Variants in MBP observed in about 807,000 individuals in gnomAD.
MBP encodes the protein Golli-MBP.
A neutral mutation model predicts 35.8 loss-of-function variants in MBP; 16 were observed. The observed-to-expected ratio is 0.45, with a 90% CI of 0.30 to 0.68. The LOEUF is 0.68. MBP is among the 30% of genes least tolerant of loss of function. MBP has a pLI of 0.08. For synonymous variants in MBP, 143 were observed against 159.6 expected (o/e 0.90, Z 0.78); for missense variants, 380 against 404.7 (o/e 0.94, Z 0.52).
Position 76,979,971 on chromosome 18 carries a change from CAA to C in MBP, c.*454_*455del, listed in dbSNP as rs1264724027. The stretch of plus-strand genomic sequence containing the variant: ...GTGAGAGAAGGACAGGAAAAAAAAA[CAA>C]AGGAAGCTTGGATGTCAACAGTCCT... On this transcript the variant is annotated 3_prime_UTR_variant, in exon 9 of 9. Coordinates refer to ENST00000355994, the MANE Select transcript of MBP (RefSeq NM_001025101.2). The C allele has an allele frequency of 7.1e-6, 5 of 702,210 alleles. No homozygotes were observed. The highest frequency in any genetic ancestry group is 1.3e-5 in the Non-Finnish European group (5 of 384,972). The allele number at this position is 702,210 out of a possible 1,614,324, so 43.5% of individuals were successfully genotyped here. A position where few individuals can be genotyped will look rare whatever the true frequency, so the allele number is the denominator to read the frequency against.
intron 2 of MBP, among the ~76,000 whole-genome samples, chr18:77,083,587 C>T (rs1179986549): frequency 6.6e-6 from 1 of 152,160 alleles, no homozygotes; most frequent in Non-Finnish European, 1.5e-5. Flanking sequence ...TAAACACAAA[C>T]ATCTACCAAC....
At position 77,014,692 on chromosome 18, in the gene MBP, T is replaced by C. The variant is rs9959403; in HGVS notation, c.576+2140A>G. On this transcript the variant is annotated intron_variant, in intron 4 of 8. Transcript: ENST00000355994. ...GAGAGAGTTAAGCTTTCATCTCCCA[T>C]GTTTACAACACTTTGTGATAAAATA... is the stretch of plus-strand genomic sequence containing the variant. 2,933 of 985,400 alleles carry C rather than the reference T, an allele frequency of 3.0e-3. 57 individuals carry two copies. In the African/African-American group the frequency reaches 0.045, roughly 15 times the overall value. 61.0% of individuals were successfully genotyped at this position (985,400 alleles called of 1,614,324 possible). A position where few individuals can be genotyped will look rare whatever the true frequency, so the allele number is the denominator to read the frequency against.
intron 7 of MBP, chr18:76,986,518 G>A: frequency 1.0e-6 from 1 of 985,562 alleles, no homozygotes; most frequent in Non-Finnish European, 1.2e-6. Context: ...GCTTGGGAGT[G>A]AGCATGGCCA....
At chr18:77,018,276 TCATCCATCCATCCACTCATG>T (rs1442131502) in intron 3 of MBP, among the ~76,000 whole-genome samples, 1 of 110,104 alleles carries the variant, frequency 9.1e-6, no homozygotes, top group African/African-American at 3.9e-5. Context: ...ATCTATCCAC[TCATCCATCCATCCACTCATG>T]CATCCATCCA....
At chr18:76,997,250 A>G (rs1372099243) in intron 4 of MBP, among the ~76,000 whole-genome samples, 3 of 152,230 alleles carry the variant, frequency 2.0e-5, no homozygotes, top group Non-Finnish European at 4.4e-5. Context: ...GAGCTCAGCA[A>G]ATAGAAAGTG....
intron 3 of MBP, among the ~76,000 whole-genome samples, chr18:77,028,519 C>T (rs1365353153): frequency 8.0e-5 from 8 of 99,606 alleles, no homozygotes; most frequent in East Asian, 5.9e-4. Flanking sequence ...ACCTCCCAGA[C>T]GGGGTGGTGG....
intron 4 of MBP, among the ~76,000 whole-genome samples, chr18:76,999,035 T>C (rs550301592): frequency 7.0e-6 from 1 of 143,764 alleles, no homozygotes; most frequent in African/African-American, 2.6e-5. Context: ...AGCAGTGTTT[T>C]GGGGGGTTTT....
chr18:77,021,015 A>C (rs1422812320), intron 3 of MBP, among the ~76,000 whole-genome samples: 2 of 152,264 alleles, frequency 1.3e-5, no homozygotes, highest in Non-Finnish European at 2.9e-5. Context: ...CTGAGAAGAC[A>C]CATAACTTGG....
At chr18:77,082,416 G>A (rs1422433144) in intron 2 of MBP, among the ~76,000 whole-genome samples, 1 of 152,224 alleles carries the variant, frequency 6.6e-6, no homozygotes, top group East Asian at 1.9e-4. Context: ...TAGACACTGA[G>A]AGTACATTAG....
chr18:77,095,260 T>A (rs941089976), intron 2 of MBP: 4 of 152,216 alleles, frequency 2.6e-5, no homozygotes, highest in Admixed American at 6.5e-5. Context: ...GTGAGATCAG[T>A]GAGTGTCTTT....
chr18:76,984,669 C>G, intron 8 of MBP, 106 bp downstream of exon 8: 1 of 1,488,364 alleles, frequency 6.7e-7, no homozygotes, highest in Non-Finnish European at 9.3e-7. Context: ...GTCCAGGGTA[C>G]AGTGCGGCTG....
chr18:76,983,250 G>C (rs191390283), intron 8 of MBP: 2 of 152,358 alleles, frequency 1.3e-5, no homozygotes, highest in Admixed American at 6.5e-5. Context: ...GGATGAATCC[G>C]TGTTTCCCAG....
intron 3 of MBP, chr18:77,017,526 G>A (rs927092893): frequency 2.0e-5 from 7 of 346,084 alleles, no homozygotes; most frequent in East Asian, 4.4e-5. Context: ...CAGGCTTCCC[G>A]ATGAAGTCAT....
At chr18:77,124,325 CT>C (rs1976976584) in intron 1 of MBP, among the ~76,000 whole-genome samples, 1 of 152,218 alleles carries the variant, frequency 6.6e-6, no homozygotes, top group African/African-American at 2.4e-5. Flanking sequence ...ACTTCATTTT[CT>C]TTCTTGACCT....
At chr18:77,054,784 C>T (rs559543391) in intron 3 of MBP, among the ~76,000 whole-genome samples, 33 of 152,228 alleles carry the variant, frequency 2.2e-4, no homozygotes, top group African/African-American at 7.7e-4. Context: ...TTCCTGTTAG[C>T]GGCGGGTGAC....
chr18:77,100,292 G>C (rs1975945686), intron 2 of MBP, among the ~76,000 whole-genome samples: 2 of 152,196 alleles, frequency 1.3e-5, no homozygotes, highest in Non-Finnish European at 2.9e-5. Flanking sequence ...CCAAGGAGAG[G>C]CTGCAGAGGA....
intron 1 of MBP, among the ~76,000 whole-genome samples, chr18:77,120,604 C>T (rs1483916953): frequency 6.6e-6 from 1 of 152,180 alleles, no homozygotes; most frequent in Non-Finnish European, 1.5e-5. Flanking sequence ...TTTTACAAAA[C>T]GCATTGTTAG....
intron 4 of MBP, among the ~76,000 whole-genome samples, chr18:76,995,547 G>A (rs923291562): frequency 1.3e-5 from 2 of 151,176 alleles, no homozygotes; most frequent in African/African-American, 2.4e-5. Flanking sequence ...CTGACCAGCC[G>A]ATTCCTGGCA....
At chr18:77,064,908 T>C (rs1260709645) in intron 3 of MBP, among the ~76,000 whole-genome samples, 1 of 152,168 alleles carries the variant, frequency 6.6e-6, no homozygotes, top group Non-Finnish European at 1.5e-5. Flanking sequence ...ATTCCACCCC[T>C]TTTCCTCTTT....
Sources: allele counts gnomAD v4.1 joint callset (sites outside exome capture counted in the v4.1 genomes callset), GRCh38; gene constraint gnomAD v4.1.1; transcripts MANE v1.5; gene names NCBI Gene and HGNC (gene_info 2026-07-23, HGNC 2026-07-21).